Variants in CRYBB1 observed in about 807,000 individuals in gnomAD.
CRYBB1 encodes the protein crystallin beta B1, also known as beta-crystallin B1.
CRYBB1 carries 16 observed loss-of-function variants against 29.5 expected under a neutral mutation model. That is an observed-to-expected ratio of 0.54 (90% confidence interval 0.37 to 0.82). CRYBB1 has a LOEUF of 0.82. Ranked by LOEUF, CRYBB1 falls within the 40% of genes least tolerant of loss-of-function variation. The probability of loss-of-function intolerance (pLI) is 0.00; values close to 1 mark genes in which losing one functional copy is unlikely to be tolerated. For missense variants in CRYBB1, 300 were observed against 350.5 expected (o/e 0.86, Z 1.15); for synonymous variants, 127 against 136.7 (o/e 0.93, Z 0.49).
At chr22:26,602,086 G>A (rs1052859350) in intron 4 of CRYBB1, 65 bp from the exon 5 acceptor site, 54 of 1,591,604 alleles carry the variant, frequency 3.4e-5, no homozygotes, top group East Asian at 1.1e-4. Context: ...GAAACTTAGC[G>A]GGGCCTTCTG....
intron 5 of CRYBB1, 143 bp from the exon 6 acceptor site, chr22:26,599,816 T>G (rs777576504): frequency 2.8e-5 from 21 of 736,972 alleles, no homozygotes; most frequent in Non-Finnish European, 5.1e-5. Flanking sequence ...CCCTTCCTGC[T>G]CTGTGCCCTG....
chr22:26,613,855 G>A (rs1929257004), intron 2 of CRYBB1, among the ~76,000 whole-genome samples: 2 of 152,204 alleles, frequency 1.3e-5, no homozygotes, highest in African/African-American at 2.4e-5. Context: ...AAAGCAAATG[G>A]GAGAAATATC....
intron 2 of CRYBB1, among the ~76,000 whole-genome samples, chr22:26,612,511 A>C (rs1449962673): frequency 6.6e-6 from 1 of 152,066 alleles, no homozygotes; most frequent in African/African-American, 2.4e-5. Context: ...ACAGGCACCC[A>C]CCACCATGCC....
In CRYBB1 at chr22:26,612,156, C is replaced by T. The variant is rs767583919; in HGVS notation, c.215G>A (p.Arg72His). ...VVFELENFQG[R>H]RAEFSGECSN... The stretch of plus-strand genomic sequence containing the variant: ...GCACTCCCCCGAGAATTCTGCTCGA[C>T]GGCCCTGGAAGTTTTCCAGTTCGAA... Residue 72 changes from arginine (R) to histidine (H), a missense_variant, in exon 3 of 6, where the codon CGT (arginine) becomes CAT (histidine). By Grantham distance (29) the Arg-to-His change is conservative. Coordinates refer to ENST00000647684, the MANE Select transcript of CRYBB1 (RefSeq NM_001887.4). The T allele has an allele frequency of 2.7e-5, 44 of 1,613,732 alleles. No homozygotes were observed. The highest frequency in any genetic ancestry group is 7.7e-5 in the South Asian group (7 of 91,062).
intron 4 of CRYBB1, among the ~76,000 whole-genome samples, chr22:26,605,705 C>G (rs1156877754): frequency 8.1e-6 from 1 of 123,274 alleles, no homozygotes; most frequent in Non-Finnish European, 1.7e-5. Context: ...AAAATAGAAA[C>G]AGGCCAACCA....
At chr22:26,617,711 C>T (rs1462088964) in intron 1 of CRYBB1, among the ~76,000 whole-genome samples, 2 of 151,986 alleles carry the variant, frequency 1.3e-5, no homozygotes, top group African/African-American at 2.4e-5. Flanking sequence ...GTTCCTCTCT[C>T]CCCCACTATC....
At chr22:26,604,091 C>T (rs1928904223) in intron 4 of CRYBB1, among the ~76,000 whole-genome samples, 1 of 152,204 alleles carries the variant, frequency 6.6e-6, no homozygotes, top group South Asian at 2.1e-4. Context: ...TCATCATGCA[C>T]TGTTTTAGGC....
chr22:26,601,330 C>T (rs976605823), intron 5 of CRYBB1, among the ~76,000 whole-genome samples: 2 of 152,032 alleles, frequency 1.3e-5, no homozygotes, highest in Admixed American at 6.6e-5. Context: ...AGATCCTGAG[C>T]GTTCAGAGCA....
intron 5 of CRYBB1, among the ~76,000 whole-genome samples, chr22:26,601,427 G>A (rs1602320437): frequency 1.3e-5 from 2 of 151,964 alleles, no homozygotes; most frequent in Non-Finnish European, 1.5e-5. Flanking sequence ...AGGCTCACTC[G>A]AGTTCCTCAG....
chr22:26,613,849 C>A (rs1219389929), intron 2 of CRYBB1, among the ~76,000 whole-genome samples: 1 of 152,186 alleles, frequency 6.6e-6, no homozygotes, highest in African/African-American at 2.4e-5. Flanking sequence ...CTTTCAAAAG[C>A]AAATGGGAGA....
chr22:26,617,614 C>T (rs932913490), intron 1 of CRYBB1, among the ~76,000 whole-genome samples: 7 of 151,992 alleles, frequency 4.6e-5, no homozygotes, highest in Admixed American at 4.6e-4. Context: ...CTCTGTTCCT[C>T]CTCTCTTCCC....
chr22:26,615,132 C>T (rs941204111), intron 2 of CRYBB1, among the ~76,000 whole-genome samples: 3 of 152,204 alleles, frequency 2.0e-5, no homozygotes, highest in African/African-American at 7.2e-5. Context: ...AAACCTGCCA[C>T]GCACTGACCA....
intron 1 of CRYBB1, among the ~76,000 whole-genome samples, chr22:26,617,539 G>T (rs1390074868): frequency 1.3e-5 from 2 of 152,070 alleles, no homozygotes; most frequent in African/African-American, 4.8e-5. Flanking sequence ...CCCAGGGCTG[G>T]CAGCTGGACT....
At chr22:26,613,491 A>G (rs1929244691) in intron 2 of CRYBB1, among the ~76,000 whole-genome samples, 1 of 152,190 alleles carries the variant, frequency 6.6e-6, no homozygotes, top group Non-Finnish European at 1.5e-5. Flanking sequence ...TAGTTCCCCA[A>G]ATTAATACTT....
At position 26,603,380 on chromosome 22, in the gene CRYBB1, A is replaced by AT. The variant is rs1186853454; in HGVS notation, c.433-1360dup. Among the ~76,000 whole-genome samples the AT allele has an allele frequency of 6.0e-5, 9 of 150,386 alleles. No individual in the cohort carries two copies. The East Asian group carries it at 1.8e-3, about 30-fold the overall frequency. ...CCCCATCTCTACTAAAAATGCAAAA[A>AT]TTAGCCAGGTGCAATCACATGTGCC... is the stretch of plus-strand genomic sequence containing the variant. On this transcript the variant is annotated intron_variant, in intron 4 of 5. Coordinates refer to ENST00000647684, the MANE Select transcript of CRYBB1 (RefSeq NM_001887.4).
chr22:26,611,454 G>GTT (rs751632589), intron 3 of CRYBB1, among the ~76,000 whole-genome samples: 3 of 142,692 alleles, frequency 2.1e-5, no homozygotes, highest in Non-Finnish European at 4.6e-5. Flanking sequence ...GCTAGAGTTT[G>GTT]TTTTTTTTTT....
chr22:26,616,326 CGCCTGCAAAAGTCTGTAAAGA>C lies in CRYBB1; in HGVS notation c.-19-9_-8del. ...CCTTTGCAGCCTGAGACATGGTTCC[CGCCTGCAAAAGTCTGTAAAGA>C]AACTCTGGCCTTCAGGGATGACACC... On this transcript the variant is annotated splice_acceptor_variant and splice_polypyrimidine_tract_variant and 5_prime_UTR_variant and intron_variant, in exon 2 of 6. Transcript: ENST00000647684. LOFTEE classifies it low-confidence loss of function (5UTR_SPLICE). The C allele has an allele frequency of 6.2e-7, 1 of 1,612,256 alleles. No homozygotes were observed. The highest frequency in any genetic ancestry group is 8.5e-7 in the Non-Finnish European group (1 of 1,179,396).
At chr22:26,607,405 T>C (rs1021603680) in intron 4 of CRYBB1, among the ~76,000 whole-genome samples, 12 of 151,944 alleles carry the variant, frequency 7.9e-5, no homozygotes, top group African/African-American at 2.9e-4. Flanking sequence ...TGAAAAGTTT[T>C]CCCAGGCCTG....
intron 5 of CRYBB1, among the ~76,000 whole-genome samples, chr22:26,601,352 C>G (rs1357586458): frequency 6.6e-6 from 1 of 152,084 alleles, no homozygotes; most frequent in Non-Finnish European, 1.5e-5. Context: ...GAAGGGCACT[C>G]TTGGATCAGG....
Sources: allele counts gnomAD v4.1 joint callset (sites outside exome capture counted in the v4.1 genomes callset), GRCh38; gene constraint gnomAD v4.1.1; transcripts MANE v1.5; gene names NCBI Gene and HGNC (gene_info 2026-07-23, HGNC 2026-07-21).